The following PTPRD variants were observed in gnomAD, a reference collection of about 807,000 sequenced individuals.
The protein encoded by PTPRD is protein tyrosine phosphatase receptor type D, also known as receptor-type tyrosine-protein phosphatase delta.
Under a neutral mutation model 214.5 loss-of-function variants are expected in PTPRD, and 34 were observed. The observed-to-expected ratio is 0.16, with a 90% CI of 0.12 to 0.21. The LOEUF (loss-of-function observed/expected upper bound fraction) is 0.21. Ranked by LOEUF, PTPRD falls within the 10% of genes least tolerant of loss-of-function variation. PTPRD has a pLI of 1.00. For missense variants in PTPRD, 2,545 were observed against 2,398.7 expected (o/e 1.06, Z -1.27); for synonymous variants, 1,128 against 845.7 (o/e 1.33, Z -5.79).
At chr9:9,242,203 C>T (rs1373765922) in intron 9 of PTPRD, among the ~76,000 whole-genome samples, 2 of 152,166 alleles carry the variant, frequency 1.3e-5, no homozygotes, top group Admixed American at 6.5e-5. Context: ...AGAGTTTCTG[C>T]CGAGAAATCA....
chr9:10,547,861 G>A (rs1376082253), intron 2 of PTPRD, among the ~76,000 whole-genome samples: 4 of 152,060 alleles, frequency 2.6e-5, no homozygotes, highest in Non-Finnish European at 5.9e-5. Context: ...TGCTATATGA[G>A]GAATAACATG....
chr9:8,349,603 AT>A (rs1338453306), intron 39 of PTPRD, among the ~76,000 whole-genome samples: 3 of 152,170 alleles, frequency 2.0e-5, no homozygotes, highest in African/African-American at 7.2e-5. Flanking sequence ...AACCACCCTT[AT>A]TTTTATCTGT....
chr9:10,149,217 T>C (rs767759630), intron 3 of PTPRD, among the ~76,000 whole-genome samples: 1 of 152,208 alleles, frequency 6.6e-6, no homozygotes. Flanking sequence ...GGCAGTCATG[T>C]TGCAACACAA....
At chr9:9,951,634 A>G (rs2153999186) in intron 4 of PTPRD, among the ~76,000 whole-genome samples, 1 of 152,322 alleles carries the variant, frequency 6.6e-6, no homozygotes, top group Middle Eastern at 3.4e-3. Flanking sequence ...AATTTCTTAC[A>G]AGTTAATGTC....
intron 3 of PTPRD, among the ~76,000 whole-genome samples, chr9:10,121,466 G>A (rs1377357088): frequency 6.6e-6 from 1 of 152,190 alleles, no homozygotes; most frequent in Non-Finnish European, 1.5e-5. Context: ...AGATTGGGCT[G>A]TAGATTCTAC....
intron 3 of PTPRD, among the ~76,000 whole-genome samples, chr9:10,209,530 G>T (rs75345979): frequency 6.6e-6 from 1 of 151,900 alleles, no homozygotes; most frequent in African/African-American, 2.4e-5. Context: ...CCATGTTCTC[G>T]CATAGAACTG....
At chr9:9,991,832 CCACACACACACACA>C (rs56267970) in intron 4 of PTPRD, among the ~76,000 whole-genome samples, 1,654 of 147,630 alleles carry the variant, frequency 0.011, 34 homozygotes, top group African/African-American at 0.038. Flanking sequence ...TTCAACAGCA[CCACACACACACACA>C]CACACACACA....
At chr9:10,319,104 G>A (rs544416202) in intron 3 of PTPRD, among the ~76,000 whole-genome samples, 7 of 152,050 alleles carry the variant, frequency 4.6e-5, no homozygotes, top group East Asian at 3.9e-4. Flanking sequence ...ATGTGGCAAC[G>A]CACACTGTGT....
At chr9:8,791,795 C>T (rs142143043) in intron 11 of PTPRD, among the ~76,000 whole-genome samples, 1 of 152,134 alleles carries the variant, frequency 6.6e-6, no homozygotes, top group African/African-American at 2.4e-5. Flanking sequence ...TGGACGGATA[C>T]TAGACAGGCT....
At position 10,554,328 on chromosome 9, in the gene PTPRD, T is replaced by C. The variant is rs1029095519; in HGVS notation, c.-600+58070A>G. On this transcript the variant is annotated intron_variant, in intron 2 of 45. Coordinates refer to ENST00000381196, the MANE Select transcript of PTPRD (RefSeq NM_002839.4). ...CTTTAGCTTGTTCACCTGAACAAAA[T>C]AGAAGCAGCAAACTATAAATAATTT... is the stretch of plus-strand genomic sequence containing the variant. 5.3e-5 allele frequency among the ~76,000 whole-genome samples: 8 copies of C among 152,320 alleles called. No homozygotes were observed. The East Asian group carries it at 1.4e-3, about 26-fold the overall frequency.
At chr9:8,737,050 C>G (rs1258422393) in intron 11 of PTPRD, among the ~76,000 whole-genome samples, 1 of 152,152 alleles carries the variant, frequency 6.6e-6, no homozygotes, top group African/African-American at 2.4e-5. Flanking sequence ...TACATAATGA[C>G]TCCGTGTGAT....
chr9:8,358,898 G>A (rs1159124451), intron 39 of PTPRD, among the ~76,000 whole-genome samples: 2 of 151,438 alleles, frequency 1.3e-5, no homozygotes, highest in East Asian at 3.9e-4. Flanking sequence ...ACGAGGTCAG[G>A]AGATCGAGAC....
chr9:10,398,742 C>T (rs1289430024), intron 2 of PTPRD, among the ~76,000 whole-genome samples: 1 of 151,810 alleles, frequency 6.6e-6, no homozygotes, highest in African/African-American at 2.4e-5. Flanking sequence ...ATGGCGGCCA[C>T]GTATGCATAT....
intron 4 of PTPRD, among the ~76,000 whole-genome samples, chr9:9,963,539 G>A (rs1408923331): frequency 6.6e-6 from 1 of 152,072 alleles, no homozygotes; most frequent in Non-Finnish European, 1.5e-5. Flanking sequence ...AATAAATCAA[G>A]GAAATACAGT....
chr9:9,395,842 T>A (rs1282206260), intron 9 of PTPRD, among the ~76,000 whole-genome samples: 1 of 152,108 alleles, frequency 6.6e-6, no homozygotes, highest in Non-Finnish European at 1.5e-5. Context: ...GACGATAACG[T>A]CTACTTGTAT....
chr9:10,285,365 G>A (rs192105578), intron 3 of PTPRD, among the ~76,000 whole-genome samples: 1 of 152,022 alleles, frequency 6.6e-6, no homozygotes, highest in South Asian at 2.1e-4. Context: ...AAAGCATTTT[G>A]TCGGGGTTCA....
At chr9:10,281,912 A>G (rs934409366) in intron 3 of PTPRD, among the ~76,000 whole-genome samples, 21 of 152,100 alleles carry the variant, frequency 1.4e-4, no homozygotes, top group Non-Finnish European at 1.3e-4. Context: ...GAACTATTTT[A>G]TCATCTGAAA....
intron 2 of PTPRD, among the ~76,000 whole-genome samples, chr9:10,475,693 C>A (rs548356371): frequency 1.3e-5 from 2 of 152,136 alleles, no homozygotes; most frequent in Non-Finnish European, 2.9e-5. Flanking sequence ...AAATTTCAGG[C>A]CAATATCCCT....
At chr9:8,353,261 C>G (rs1381476347) in intron 39 of PTPRD, among the ~76,000 whole-genome samples, 1 of 152,182 alleles carries the variant, frequency 6.6e-6, no homozygotes, top group African/African-American at 2.4e-5. Context: ...GAATCTCACT[C>G]TCAATACAAT....
Sources: gnomAD v4.1 joint callset for allele counts (sites outside exome capture counted in the v4.1 genomes callset) on GRCh38, gnomAD v4.1.1 for gene constraint, MANE v1.5 for transcripts, NCBI Gene and HGNC (gene_info 2026-07-23, HGNC 2026-07-21) for gene names.